Variants in SHANK2 observed in about 807,000 individuals in gnomAD.
SHANK2 encodes the protein SH3 and multiple ankyrin repeat domains 2, also known as SH3 and multiple ankyrin repeat domains protein 2.
SHANK2 carries 43 observed loss-of-function variants against 133.7 expected under a neutral mutation model. The ratio of observed to expected loss-of-function variants is 0.32; its 90% CI spans 0.25 to 0.41. SHANK2 has a LOEUF of 0.41. Ranked by LOEUF, SHANK2 falls within the 10% of genes least tolerant of loss-of-function variation. The pLI is 1.00. For synonymous variants in SHANK2, 1,017 were observed against 952.8 expected (o/e 1.07, Z -1.24); for missense variants, 1,994 against 2,235.8 (o/e 0.89, Z 2.18).
intron 17 of SHANK2, among the ~76,000 whole-genome samples, chr11:70,581,547 C>T (rs192407020): frequency 3.9e-5 from 6 of 152,238 alleles, no homozygotes; most frequent in Non-Finnish European, 7.4e-5. Context: ...AAAAATTAAC[C>T]GGGCGTGGTG....
At chr11:71,161,910 T>TA (rs1277938118) in intron 2 of SHANK2, among the ~76,000 whole-genome samples, 1 of 152,240 alleles carries the variant, frequency 6.6e-6, no homozygotes, top group Admixed American at 6.5e-5. Flanking sequence ...GGCATTTTCT[T>TA]AGACACAGGA....
intron 10 of SHANK2, among the ~76,000 whole-genome samples, chr11:70,943,293 T>G (rs2135854992): frequency 6.6e-6 from 1 of 152,088 alleles, no homozygotes; most frequent in East Asian, 1.9e-4. Flanking sequence ...TTAGATAAAC[T>G]CAACAAAGAA....
intron 8 of SHANK2, among the ~76,000 whole-genome samples, chr11:71,080,053 A>G (rs1229570837): frequency 6.6e-6 from 1 of 152,126 alleles, no homozygotes; most frequent in Non-Finnish European, 1.5e-5. Context: ...AAGAGAAGCA[A>G]CACTAACCTC....
intron 21 of SHANK2, among the ~76,000 whole-genome samples, chr11:70,497,849 CTCCTGGAAAA>C (rs2058993884): frequency 6.6e-6 from 1 of 152,262 alleles, no homozygotes; most frequent in Non-Finnish European, 1.5e-5. Context: ...GTGGCTGAGT[CTCCTGGAAAA>C]TAGGCTCTGC....
chr11:70,820,218 G>C (rs531719920), intron 12 of SHANK2, 146 bp downstream of exon 12: 149 of 562,032 alleles, frequency 2.7e-4, no homozygotes, highest in Non-Finnish European at 4.0e-4. Flanking sequence ...GGGACAGTGA[G>C]CAAAACTCAG....
At chr11:70,756,431 C>G (rs1016461647) in intron 14 of SHANK2, among the ~76,000 whole-genome samples, 10 of 152,144 alleles carry the variant, frequency 6.6e-5, no homozygotes, top group African/African-American at 2.2e-4. Flanking sequence ...CGGAGAAGAG[C>G]CCAGGTTAGC....
rs191499484 is a variant in SHANK2, at chr11:71,172,672, A to G, written c.-12-25334T>C. Among the ~76,000 whole-genome samples, 16 of 152,228 alleles carry G rather than the reference A, an allele frequency of 1.1e-4. No homozygotes were observed. In the East Asian group the frequency reaches 2.7e-3, roughly 26 times the overall value. ...TGAGCAGCATCTTCCCGTGTTTCCA[A>G]TGGCCTCTTGGGAAATGATCCTGAG... On this transcript the variant is annotated intron_variant, in intron 2 of 25. Coordinates refer to ENST00000601538, the MANE Select transcript of SHANK2 (RefSeq NM_012309.5).
At chr11:70,660,766 C>T (rs933638007) in intron 16 of SHANK2, among the ~76,000 whole-genome samples, 1 of 152,178 alleles carries the variant, frequency 6.6e-6, no homozygotes, top group South Asian at 2.1e-4. Flanking sequence ...CTGGACAGCT[C>T]GCTATGGAGC....
intron 10 of SHANK2, chr11:70,908,061 A>AT (rs1950133980): frequency 2.8e-6 from 1 of 362,774 alleles, no homozygotes; most frequent in Non-Finnish European, 5.6e-6. Flanking sequence ...GGATCGTGCC[A>AT]TTGCACTCTG....
rs1565496110 is a variant in SHANK2 at position 71,175,446 on chromosome 11, G to A, written c.-12-28108C>T. 1.3e-5 allele frequency among the ~76,000 whole-genome samples: 2 copies of A among 151,756 alleles called. No individual in the cohort carries two copies. The highest frequency in any genetic ancestry group is 6.6e-5 in the Admixed American group (1 of 15,218). On this transcript the variant is annotated intron_variant, in intron 2 of 25. Coordinates refer to ENST00000601538, the MANE Select transcript of SHANK2 (RefSeq NM_012309.5). The surrounding 1 kb of genome is among the most constrained non-coding windows in gnomAD (Gnocchi z 4.2). Reference sequence around the variant, plus strand: ...AGCAGGAGGAAGGAAAGAAAAAGAGGGAGAGGAGGGGGAGAAATAGACCAA... The same window carrying A: ...AGCAGGAGGAAGGAAAGAAAAAGAGAGAGAGGAGGGGGAGAAATAGACCAA...
rs566055603 is a variant in SHANK2 at position 70,930,649 on chromosome 11, ATTTC to A, written c.1108-34086_1108-34083del. ...CATAAATGCCTTTTCTCTTGTTTTT[ATTTC>A]TTTGTCTTTTTTTTTTCTTTTTTTT... On this transcript the variant is annotated intron_variant, in intron 10 of 25. Coordinates refer to ENST00000601538, the MANE Select transcript of SHANK2 (RefSeq NM_012309.5). Among the ~76,000 whole-genome samples the A allele has an allele frequency of 9.5e-3, 988 of 104,486 alleles. 7 individuals are homozygous for A. The highest frequency in any genetic ancestry group is 0.034 in the African/African-American group (963 of 28,016). The allele number at this position is 104,486 out of a possible 152,430, so 68.5% of individuals were successfully genotyped here.
intron 2 of SHANK2, among the ~76,000 whole-genome samples, chr11:71,198,777 G>A (rs1953962426): frequency 6.6e-6 from 1 of 152,204 alleles, no homozygotes; most frequent in South Asian, 2.1e-4. Flanking sequence ...TCTCGTGTCT[G>A]TGGGCAAGTG....
intron 14 of SHANK2, among the ~76,000 whole-genome samples, chr11:70,733,172 G>C (rs1184061437): frequency 1.3e-5 from 2 of 152,136 alleles, no homozygotes; most frequent in Non-Finnish European, 2.9e-5. Context: ...CTTGAAGCGT[G>C]GAGAGGAGGG....
At position 70,512,761 on chromosome 11, in the gene SHANK2, T is replaced by C. The variant is rs1227138233; in HGVS notation, c.2062-9830A>G. Among the ~76,000 whole-genome samples the C allele has an allele frequency of 1.5e-4, 23 of 152,230 alleles. 1 individual carries two copies. The highest frequency in any genetic ancestry group is 1.4e-3 in the Admixed American group (22 of 15,290). On this transcript the variant is annotated intron_variant, in intron 17 of 25. Transcript: ENST00000601538. ...TTCCTTTGACTGATTCTTTCCTGTG[T>C]TGGATCTCCTGAATCCCTGTATTTG... is the stretch of plus-strand genomic sequence containing the variant.
At chr11:71,217,225 G>T (rs12222935) in intron 2 of SHANK2, among the ~76,000 whole-genome samples, 5,986 of 151,770 alleles carry the variant, frequency 0.039, 179 homozygotes, top group East Asian at 0.14. Flanking sequence ...TAAACTAGGG[G>T]CCAGGTGCAG....
intron 17 of SHANK2, among the ~76,000 whole-genome samples, chr11:70,620,644 A>C (rs1313521423): frequency 2.0e-5 from 3 of 152,050 alleles, no homozygotes; most frequent in Admixed American, 2.0e-4. Flanking sequence ...TATCCCCCCA[A>C]GTTCCTATGT....
rs1948178018 is a variant in SHANK2 at position 70,807,024 on chromosome 11, A to T, written c.1641T>A (p.Leu547=). 1 of 717,728 alleles carries T rather than the reference A, an allele frequency of 1.4e-6. No individual in the cohort carries two copies. Among genetic ancestry groups the T allele is most frequent in the African/African-American group, 1.7e-5 (1 of 57,236 alleles). The allele number at this position is 717,728 out of a possible 1,614,324, so 44.5% of individuals were successfully genotyped here. A position where few individuals can be genotyped will look rare whatever the true frequency, so the allele number is the denominator to read the frequency against. The change falls in exon 13 of 26, where the codon CTT becomes CTA. Residue 547 remains leucine (L), a synonymous_variant. Coordinates refer to ENST00000601538, the MANE Select transcript of SHANK2 (RefSeq NM_012309.5). The surrounding 1 kb of genome is among the most constrained non-coding windows in gnomAD (Gnocchi z 4.8). ...GACCTTTGACCCTGTCACCGCGGTGAAGGGGGATCTCGCCGTCCACTTGGG... is the reference window on the plus strand; with the variant it reads ...GACCTTTGACCCTGTCACCGCGGTGTAGGGGGATCTCGCCGTCCACTTGGG... ...YQPQVDGEIP[L]HRGDRVKVLS...
intron 17 of SHANK2, among the ~76,000 whole-genome samples, chr11:70,636,270 CATGT>C (rs1228757819): frequency 1.3e-5 from 2 of 152,066 alleles, no homozygotes; most frequent in East Asian, 1.9e-4. Context: ...TGCGAGCATG[CATGT>C]GTGTGTACAT....
intron 14 of SHANK2, among the ~76,000 whole-genome samples, chr11:70,779,260 C>T (rs541912629): frequency 7.6e-4 from 115 of 151,202 alleles, no homozygotes; most frequent in African/African-American, 2.2e-3. Context: ...AAGTGGCATA[C>T]GAGACAGAAA....
Sources: allele counts gnomAD v4.1 joint callset (sites outside exome capture counted in the v4.1 genomes callset), GRCh38; gene constraint gnomAD v4.1.1; non-coding constraint Gnocchi (gnomAD v3.1); transcripts MANE v1.5; gene names NCBI Gene and HGNC (gene_info 2026-07-23, HGNC 2026-07-21).